The following ATP6V1C2 variants were observed in gnomAD, a reference collection of about 807,000 sequenced individuals.
The protein encoded by ATP6V1C2 is ATPase H+ transporting V1 subunit C2.
Under a neutral mutation model 56.8 loss-of-function variants are expected in ATP6V1C2, and 45 were observed. That is an observed-to-expected ratio of 0.79 (90% CI 0.62 to 1.02). The LOEUF (loss-of-function observed/expected upper bound fraction) is 1.02, where lower values mean the gene tolerates loss of function less well. Ranked by LOEUF, ATP6V1C2 falls within the 50% of genes least tolerant of loss-of-function variation. The pLI is 0.00. For missense variants in ATP6V1C2, 463 were observed against 519.7 expected (o/e 0.89, Z 1.06); for synonymous variants, 220 against 201.3 (o/e 1.09, Z -0.79).
At chr2:10,767,606 C>T (rs371150362) in intron 5 of ATP6V1C2, among the ~76,000 whole-genome samples, 12 of 152,170 alleles carry the variant, frequency 7.9e-5, no homozygotes, top group Non-Finnish European at 1.2e-4. Context: ...TACAGGCATC[C>T]ACCACCAAGC....
intron 4 of ATP6V1C2, among the ~76,000 whole-genome samples, chr2:10,759,510 G>A (rs572593581): frequency 6.6e-6 from 1 of 152,304 alleles, no homozygotes; most frequent in South Asian, 2.1e-4. Context: ...CCTGTGCACA[G>A]CATATTTTGA....
rs1661647679 is a variant in ATP6V1C2, at chr2:10,726,497, T to A, written c.130-5T>A. The A allele has an allele frequency of 1.9e-6, 3 of 1,613,452 alleles. No homozygotes were observed. The highest frequency in any genetic ancestry group is 2.5e-6 in the Non-Finnish European group (3 of 1,179,500). On this transcript the variant is annotated splice_polypyrimidine_tract_variant and splice_region_variant and intron_variant, in intron 2 of 13. Coordinates refer to ENST00000272238, the MANE Select transcript of ATP6V1C2 (RefSeq NM_001039362.2). Reference sequence around the variant, plus strand: ...GAGCCTCTGACGTTTTTATGATCTGTCTAGGTGGGGACCTTGGATTCCCTG... The same window carrying A: ...GAGCCTCTGACGTTTTTATGATCTGACTAGGTGGGGACCTTGGATTCCCTG...
intron 3 of ATP6V1C2, among the ~76,000 whole-genome samples, chr2:10,730,945 G>A (rs943889558): frequency 1.5e-4 from 21 of 143,156 alleles, no homozygotes; most frequent in Non-Finnish European, 2.0e-4. Context: ...GAGCCACTGC[G>A]CCCTGCCAAC....
In ATP6V1C2 at chr2:10,726,553, G is replaced by A. The variant is rs771043793; in HGVS notation, c.181G>A (p.Asp61Asn). ...VGLSDELGKL[D>N]TFAESLIRRM... ...CCTCTCTGATGAGTTGGGGAAACTCGACACCTTTGCTGAAAGGTAAAATAT... is the reference window on the plus strand; with the variant it reads ...CCTCTCTGATGAGTTGGGGAAACTCAACACCTTTGCTGAAAGGTAAAATAT... Residue 61 changes from aspartate to asparagine, a missense_variant, in exon 3 of 14, where the codon GAC becomes AAC. Physicochemically the swap from Asp to Asn is conservative, Grantham distance 23. Coordinates refer to ENST00000272238, the MANE Select transcript of ATP6V1C2 (RefSeq NM_001039362.2). The A allele has an allele frequency of 1.8e-5, 29 of 1,613,568 alleles. No homozygotes were observed. Among genetic ancestry groups the A allele is most frequent in the Admixed American group, 1.5e-4 (9 of 59,988 alleles).
At chr2:10,753,226 T>C (rs1291833430) in intron 3 of ATP6V1C2, among the ~76,000 whole-genome samples, 1 of 152,220 alleles carries the variant, frequency 6.6e-6, no homozygotes, top group Admixed American at 6.5e-5. Flanking sequence ...TCATAGCCAG[T>C]GCCCATACTG....
intron 5 of ATP6V1C2, among the ~76,000 whole-genome samples, chr2:10,765,473 ACT>A (rs762798532): frequency 3.3e-5 from 5 of 152,338 alleles, no homozygotes; most frequent in Non-Finnish European, 7.3e-5. Flanking sequence ...CCGGTTTTCT[ACT>A]GTGACTGTGG....
intron 4 of ATP6V1C2, 75 bp from the exon 5 acceptor site, chr2:10,764,256 G>T: frequency 7.5e-7 from 1 of 1,326,204 alleles, no homozygotes; most frequent in Non-Finnish European, 1.1e-6. Context: ...CTGATGCTTG[G>T]CTTGGGATTC....
chr2:10,751,676 G>A (rs567912880), intron 3 of ATP6V1C2, among the ~76,000 whole-genome samples: 4 of 152,196 alleles, frequency 2.6e-5, no homozygotes, highest in African/African-American at 9.6e-5. Context: ...ACTTCTCTGG[G>A]CCTCAGTTTC....
At position 10,778,607 on chromosome 2, in the gene ATP6V1C2, T is replaced by C. The variant is rs756458151; in HGVS notation, c.999T>C (p.Ser333=). 6.2e-6 allele frequency: 10 copies of C among 1,614,218 alleles called. No individual in the cohort carries two copies. The highest frequency in any genetic ancestry group is 8.5e-6 in the Non-Finnish European group (10 of 1,180,012). Residue 333 remains serine (S), a synonymous_variant, in exon 12 of 14, where the codon AGT becomes AGC. Transcript: ENST00000272238. ...TGCGCTGGCTCAAGGTGAACTTCAGTGAAGCCTTCATTGCCTGGATCCACA... is the reference window on the plus strand; with the variant it reads ...TGCGCTGGCTCAAGGTGAACTTCAGCGAAGCCTTCATTGCCTGGATCCACA... The part of the protein sequence containing the change: ...PLLRWLKVNF[S]EAFIAWIHIK...
At chr2:10,774,391 A>G (rs943602021) in intron 8 of ATP6V1C2, among the ~76,000 whole-genome samples, 1 of 152,180 alleles carries the variant, frequency 6.6e-6, no homozygotes, top group Non-Finnish European at 1.5e-5. Context: ...ACTTTGTGAT[A>G]TTGGAAGTGA....
intron 4 of ATP6V1C2, among the ~76,000 whole-genome samples, chr2:10,759,986 G>T (rs1572568055): frequency 6.7e-6 from 1 of 149,308 alleles, no homozygotes; most frequent in Admixed American, 6.7e-5. Flanking sequence ...TCATTGGCTT[G>T]TGGTGAAATC....
chr2:10,764,343 C>G lies in ATP6V1C2; in HGVS notation c.296C>G (p.Ser99Cys). Residue 99 changes from serine (S) to cysteine (C), a missense_variant, in exon 5 of 14, where the codon TCC (serine) becomes TGC (cysteine). Ser to Cys is a moderately radical substitution (Grantham distance 112, BLOSUM62 -1). Transcript: ENST00000272238. ...HLLANGVDLT[S>C]FVTHFEWDMA... ...TGTATTCTTCCAGTTGACTTAACAT[C>G]CTTTGTGACCCACTTTGAATGGGAC... The G allele has an allele frequency of 1.2e-6, 2 of 1,613,526 alleles. No individual in the cohort carries two copies. The highest frequency in any genetic ancestry group is 1.3e-5 in the African/African-American group (1 of 75,048).
chr2:10,773,075 A>G (rs1000886807), intron 8 of ATP6V1C2, among the ~76,000 whole-genome samples: 2 of 152,158 alleles, frequency 1.3e-5, no homozygotes, highest in African/African-American at 4.8e-5. Context: ...TGACAGGAGG[A>G]GAGCGGGTTA....
intron 3 of ATP6V1C2, among the ~76,000 whole-genome samples, chr2:10,745,458 G>A (rs186475711): frequency 2.1e-4 from 32 of 149,012 alleles, no homozygotes; most frequent in Admixed American, 1.9e-3. Flanking sequence ...TGATTCAAGT[G>A]ATTCTCCTGC....
At chr2:10,746,481 C>T (rs1662923696) in intron 3 of ATP6V1C2, among the ~76,000 whole-genome samples, 1 of 150,938 alleles carries the variant, frequency 6.6e-6, no homozygotes, top group South Asian at 2.1e-4. Context: ...GGCCCAATCT[C>T]AGTCCACTGC....
chr2:10,751,272 A>G (rs555382126), intron 3 of ATP6V1C2, among the ~76,000 whole-genome samples: 4 of 152,234 alleles, frequency 2.6e-5, no homozygotes, highest in African/African-American at 7.2e-5. Flanking sequence ...CCCAGGAGTC[A>G]TGGGGCAGAG....
intron 2 of ATP6V1C2, among the ~76,000 whole-genome samples, chr2:10,723,696 A>C (rs1345452035): frequency 6.6e-6 from 1 of 151,590 alleles, no homozygotes; most frequent in Non-Finnish European, 1.5e-5. Flanking sequence ...AAAAATAGCC[A>C]GGCATGGTGG....
At chr2:10,764,104 A>G (rs1664083588) in intron 4 of ATP6V1C2, among the ~76,000 whole-genome samples, 1 of 152,222 alleles carries the variant, frequency 6.6e-6, no homozygotes, top group Admixed American at 6.5e-5. Context: ...TGTAATGGAC[A>G]GTGAAGATTG....
intron 4 of ATP6V1C2, among the ~76,000 whole-genome samples, chr2:10,756,708 ACT>A (rs1156603617): frequency 6.6e-6 from 1 of 152,080 alleles, no homozygotes; most frequent in South Asian, 2.1e-4. Flanking sequence ...CAAGAGTGAA[ACT>A]CTGTCTCAAA....
Sources: gnomAD v4.1 joint callset for allele counts (sites outside exome capture counted in the v4.1 genomes callset) on GRCh38, gnomAD v4.1.1 for gene constraint, MANE v1.5 for transcripts, NCBI Gene and HGNC (gene_info 2026-07-23, HGNC 2026-07-21) for gene names.